CNTN5: variants seen among roughly 807,000 people sequenced by gnomAD.
The protein encoded by CNTN5 is contactin 5.
In CNTN5, 77 loss-of-function variants were observed where a neutral mutation model predicts 129.1. The observed-to-expected ratio is 0.60, with a 90% CI of 0.50 to 0.72. CNTN5 has a LOEUF of 0.72. Ranked by LOEUF, CNTN5 falls within the 30% of genes least tolerant of loss-of-function variation. The probability of loss-of-function intolerance (pLI) is 0.00; values close to 1 mark genes in which losing one functional copy is unlikely to be tolerated. For synonymous variants in CNTN5, 509 were observed against 465.6 expected (o/e 1.09, Z -1.20); for missense variants, 1,478 against 1,328.8 (o/e 1.11, Z -1.75).
chr11:99,440,281 T>C (rs1364911583), intron 2 of CNTN5, among the ~76,000 whole-genome samples: 1 of 152,130 alleles, frequency 6.6e-6, no homozygotes, highest in African/African-American at 2.4e-5. Flanking sequence ...AATTTTCTTA[T>C]TAAGTTAATG....
At chr11:100,317,990 C>G (rs1951601878) in intron 21 of CNTN5, among the ~76,000 whole-genome samples, 1 of 151,734 alleles carries the variant, frequency 6.6e-6, no homozygotes, top group Admixed American at 6.6e-5. Flanking sequence ...GCCTGTAATC[C>G]CAACACTTTG....
chr11:100,237,142 T>C (rs1239398538), intron 16 of CNTN5, among the ~76,000 whole-genome samples: 1 of 134,836 alleles, frequency 7.4e-6, no homozygotes. Context: ...TGAGCCGAGA[T>C]CACAGCACTG....
At chr11:99,726,675 G>T (rs1444391867) in intron 3 of CNTN5, among the ~76,000 whole-genome samples, 1 of 152,116 alleles carries the variant, frequency 6.6e-6, no homozygotes, top group African/African-American at 2.4e-5. Flanking sequence ...CTACAATACA[G>T]CAGATTAAGT....
chr11:99,732,017 C>T (rs1943552176), intron 3 of CNTN5, among the ~76,000 whole-genome samples: 1 of 152,184 alleles, frequency 6.6e-6, no homozygotes, highest in Non-Finnish European at 1.5e-5. Context: ...ATTTTAATGT[C>T]AGCATAGTCT....
chr11:100,152,873 C>T (rs536530029), intron 13 of CNTN5, among the ~76,000 whole-genome samples: 5 of 151,940 alleles, frequency 3.3e-5, no homozygotes, highest in Non-Finnish European at 7.4e-5. Flanking sequence ...AAATAATGTG[C>T]CAACAATCAG....
chr11:99,494,833 A>G (rs1946165515), intron 2 of CNTN5, among the ~76,000 whole-genome samples: 1 of 152,142 alleles, frequency 6.6e-6, no homozygotes, highest in Non-Finnish European at 1.5e-5. Context: ...ACCTTAGGGA[A>G]CTGGAGTTTT....
intron 3 of CNTN5, among the ~76,000 whole-genome samples, chr11:99,679,931 T>G (rs1164023852): frequency 6.6e-6 from 1 of 152,156 alleles, no homozygotes; most frequent in African/African-American, 2.4e-5. Context: ...ATTCCTGATG[T>G]AGAGACAGTT....
intron 18 of CNTN5, among the ~76,000 whole-genome samples, chr11:100,287,964 T>A (rs1206044332): frequency 6.6e-6 from 1 of 152,110 alleles, no homozygotes. Flanking sequence ...AATCCCAGTC[T>A]CTGATAAAAC....
intron 2 of CNTN5, among the ~76,000 whole-genome samples, chr11:99,426,078 A>G (rs1943106718): frequency 6.6e-6 from 1 of 152,248 alleles, no homozygotes. Flanking sequence ...GCATATTTAT[A>G]AAAATATAAT....
intron 2 of CNTN5, among the ~76,000 whole-genome samples, chr11:99,332,773 A>G (rs1332735335): frequency 2.0e-5 from 3 of 152,074 alleles, no homozygotes; most frequent in Non-Finnish European, 2.9e-5. Flanking sequence ...AATGTATGGT[A>G]AATTAACTAA....
intron 1 of CNTN5, among the ~76,000 whole-genome samples, chr11:99,099,918 C>T (rs563790672): frequency 2.0e-5 from 3 of 152,158 alleles, no homozygotes; most frequent in South Asian, 4.2e-4. Context: ...CTCAAAGTAC[C>T]TTTTCCTGAA....
intron 15 of CNTN5, among the ~76,000 whole-genome samples, chr11:100,218,847 G>T (rs766774037): frequency 4.6e-5 from 7 of 152,144 alleles, no homozygotes; most frequent in Non-Finnish European, 7.3e-5. Flanking sequence ...GGACCATCTT[G>T]TAGGCAAAAG....
chr11:100,055,302 C>A (rs1943167530), intron 9 of CNTN5, among the ~76,000 whole-genome samples: 1 of 151,444 alleles, frequency 6.6e-6, no homozygotes, highest in African/African-American at 2.4e-5. Context: ...TCATTACATG[C>A]TCTTTTTGAT....
intron 6 of CNTN5, among the ~76,000 whole-genome samples, chr11:99,852,254 G>T (rs1241666284): frequency 3.3e-5 from 5 of 152,128 alleles, no homozygotes; most frequent in African/African-American, 1.2e-4. Flanking sequence ...GTAACTGTGA[G>T]TGTGTAATCC....
chr11:99,134,519 C>T (rs1859119894), intron 1 of CNTN5, among the ~76,000 whole-genome samples: 1 of 152,122 alleles, frequency 6.6e-6, no homozygotes, highest in Non-Finnish European at 1.5e-5. Context: ...AGAAAATCAA[C>T]ATTTTTATGT....
At chr11:100,257,171 A>G (rs572420383) in intron 17 of CNTN5, among the ~76,000 whole-genome samples, 20 of 152,264 alleles carry the variant, frequency 1.3e-4, no homozygotes, top group African/African-American at 4.8e-4. Flanking sequence ...AGCCACCTGG[A>G]AGTCTGCAAT....
chr11:99,179,230 T>C (rs1857926851), intron 1 of CNTN5, among the ~76,000 whole-genome samples: 1 of 152,024 alleles, frequency 6.6e-6, no homozygotes, highest in African/African-American at 2.4e-5. Flanking sequence ...TCACTTGAGG[T>C]CAGGACTTTC....
At chr11:100,283,449 G>C (rs576367983) in intron 18 of CNTN5, among the ~76,000 whole-genome samples, 2 of 152,152 alleles carry the variant, frequency 1.3e-5, no homozygotes, top group East Asian at 3.9e-4. Flanking sequence ...TCACATTTTA[G>C]ATGCCACATA....
intron 3 of CNTN5, among the ~76,000 whole-genome samples, chr11:99,746,074 G>A (rs1450548262): frequency 6.6e-6 from 1 of 152,170 alleles, no homozygotes; most frequent in Non-Finnish European, 1.5e-5. Flanking sequence ...ACCACATCAA[G>A]GTTGCCTGCA....
Sources: allele counts gnomAD v4.1 joint callset (sites outside exome capture counted in the v4.1 genomes callset), GRCh38; gene constraint gnomAD v4.1.1; transcripts MANE v1.5; gene names NCBI Gene and HGNC (gene_info 2026-07-23, HGNC 2026-07-21).